The following STPG4 variants were observed in gnomAD, a reference collection of about 807,000 sequenced individuals.
The protein encoded by STPG4 is protein STPG4.
In STPG4, 41 loss-of-function variants were observed where a neutral mutation model predicts 31.5. The observed-to-expected ratio is 1.30, with a 90% CI of 1.01 to 1.69. The LOEUF (loss-of-function observed/expected upper bound fraction) is 1.69, where lower values mean the gene tolerates loss of function less well. Ranked by LOEUF, STPG4 falls within the 40% of genes most tolerant of loss-of-function variation. STPG4 has a pLI of 0.00. For missense variants in STPG4, 375 were observed against 293.4 expected (o/e 1.28, Z -2.03); for synonymous variants, 141 against 103.0 (o/e 1.37, Z -2.24).
intron 5 of STPG4, among the ~76,000 whole-genome samples, chr2:47,099,781 C>T (rs1321656954): frequency 6.6e-6 from 1 of 152,244 alleles, no homozygotes; most frequent in Admixed American, 6.5e-5. Context: ...TGCGGGCCAG[C>T]TGGAGTTCCG....
At chr2:47,132,224 G>A (rs890407157) in intron 3 of STPG4, among the ~76,000 whole-genome samples, 2 of 151,788 alleles carry the variant, frequency 1.3e-5, no homozygotes, top group Non-Finnish European at 2.9e-5. Context: ...GAAGGAGAAT[G>A]AGAAGCCAGG....
chr2:47,098,368 T>G (rs1018907046), intron 5 of STPG4, among the ~76,000 whole-genome samples: 1 of 152,208 alleles, frequency 6.6e-6, no homozygotes. Context: ...GGTGCTAATA[T>G]CTCTATTTAA....
At chr2:47,108,516 C>T (rs545102994) in intron 5 of STPG4, 1 of 167,296 alleles carries the variant, frequency 6.0e-6, no homozygotes, top group Non-Finnish European at 1.2e-5. Context: ...CTGTAACACT[C>T]ACTGCGAGTG....
At chr2:47,131,257 G>C (rs1188416974) in intron 3 of STPG4, among the ~76,000 whole-genome samples, 1 of 152,034 alleles carries the variant, frequency 6.6e-6, no homozygotes, top group Non-Finnish European at 1.5e-5. Flanking sequence ...CTCCCAAATA[G>C]CTGGGACCAC....
At chr2:47,123,412 A>G (rs181865511) in intron 5 of STPG4, among the ~76,000 whole-genome samples, 9 of 152,326 alleles carry the variant, frequency 5.9e-5, no homozygotes, top group African/African-American at 2.2e-4. Flanking sequence ...CTAGGTATAC[A>G]GGAAAGAAAT....
intron 5 of STPG4, among the ~76,000 whole-genome samples, chr2:47,095,338 A>T (rs1020505221): frequency 6.6e-5 from 10 of 152,200 alleles, no homozygotes; most frequent in African/African-American, 2.4e-4. Context: ...AGACATGCTC[A>T]CAGGGAAAAC....
chr2:47,133,579 T>TTTTTC (rs1686533612), intron 3 of STPG4, among the ~76,000 whole-genome samples: 1 of 126,696 alleles, frequency 7.9e-6, no homozygotes, highest in Non-Finnish European at 1.7e-5. Flanking sequence ...TCTTTTTTTT[T>TTTTTC]TTTTTTTTTT....
chr2:47,095,922 C>G (rs1025024206), intron 5 of STPG4, among the ~76,000 whole-genome samples: 3 of 152,254 alleles, frequency 2.0e-5, no homozygotes, highest in South Asian at 2.1e-4. Context: ...CCCACTGGGC[C>G]CCTGTTCCCT....
chr2:47,093,596 T>C (rs928662567), intron 5 of STPG4, among the ~76,000 whole-genome samples: 31 of 152,192 alleles, frequency 2.0e-4, no homozygotes, highest in Admixed American at 7.2e-4. Flanking sequence ...CCAGGCCTAA[T>C]GCGGCTTTGC....
At chr2:47,139,431 C>T (rs1327678300) in intron 3 of STPG4, among the ~76,000 whole-genome samples, 3 of 145,836 alleles carry the variant, frequency 2.1e-5, no homozygotes, top group Non-Finnish European at 4.5e-5. Context: ...AATTTGAGAG[C>T]AGGTACTGTT....
At chr2:47,094,803 C>G (rs1251516788) in intron 5 of STPG4, among the ~76,000 whole-genome samples, 1 of 152,168 alleles carries the variant, frequency 6.6e-6, no homozygotes, top group African/African-American at 2.4e-5. Flanking sequence ...TGGAGAGCTC[C>G]TAGGTCTCTG....
chr2:47,103,504 G>A (rs1685842400), intron 5 of STPG4, among the ~76,000 whole-genome samples: 3 of 151,944 alleles, frequency 2.0e-5, no homozygotes, highest in Non-Finnish European at 2.9e-5. Context: ...AGCGAGATCA[G>A]AGAAAGGCCA....
At chr2:47,122,711 A>G (rs921334866) in intron 5 of STPG4, among the ~76,000 whole-genome samples, 8 of 151,590 alleles carry the variant, frequency 5.3e-5, no homozygotes, top group African/African-American at 1.9e-4. Context: ...GATGTTTGCT[A>G]TGCGGTCTTT....
chr2:47,105,656 T>C (rs1161736632), intron 5 of STPG4, among the ~76,000 whole-genome samples: 3 of 152,044 alleles, frequency 2.0e-5, no homozygotes, highest in African/African-American at 7.3e-5. Context: ...GAGAATGGGA[T>C]ACGAAGGGCA....
At chr2:47,119,300 T>A (rs895680326) in intron 5 of STPG4, among the ~76,000 whole-genome samples, 3 of 152,266 alleles carry the variant, frequency 2.0e-5, no homozygotes, top group Non-Finnish European at 4.4e-5. Context: ...AAGGACAGGA[T>A]GTTCCAAATC....
chr2:47,124,781 T>C (rs1192667074), intron 5 of STPG4, among the ~76,000 whole-genome samples: 1 of 152,182 alleles, frequency 6.6e-6, no homozygotes, highest in Non-Finnish European at 1.5e-5. Flanking sequence ...TTTGGGTATA[T>C]ACCCAGCAGT....
intron 6 of STPG4, among the ~76,000 whole-genome samples, chr2:47,087,389 G>A (rs1348468870): frequency 1.3e-5 from 2 of 152,228 alleles, no homozygotes; most frequent in African/African-American, 4.8e-5. Flanking sequence ...CCTAGAACCT[G>A]CTGGGAGAGG....
intron 5 of STPG4, among the ~76,000 whole-genome samples, chr2:47,092,578 G>A (rs1685591741): frequency 8.7e-6 from 1 of 114,372 alleles, no homozygotes; most frequent in African/African-American, 3.2e-5. Flanking sequence ...GGGGAGGGGA[G>A]GGAGAAGGGG....
intron 5 of STPG4, among the ~76,000 whole-genome samples, chr2:47,094,077 C>G (rs935466103): frequency 3.9e-5 from 6 of 152,244 alleles, no homozygotes; most frequent in African/African-American, 1.4e-4. Context: ...GCACTCTGCT[C>G]TCTCCTTTAC....
Sources: allele counts gnomAD v4.1 joint callset (sites outside exome capture counted in the v4.1 genomes callset), GRCh38; gene constraint gnomAD v4.1.1; transcripts MANE v1.5; gene names NCBI Gene and HGNC (gene_info 2026-07-23, HGNC 2026-07-21).